The following NCKAP1L variants were observed in gnomAD, a reference collection of about 807,000 sequenced individuals.
The protein encoded by NCKAP1L is nck-associated protein 1-like.
Under a neutral mutation model 139.2 loss-of-function variants are expected in NCKAP1L, and 53 were observed. The observed-to-expected ratio is 0.38, with a 90% CI of 0.31 to 0.48. The LOEUF is 0.48. Ranked by LOEUF, NCKAP1L falls within the 20% of genes least tolerant of loss-of-function variation. NCKAP1L has a pLI of 0.98. For synonymous variants in NCKAP1L, 468 were observed against 499.7 expected, an observed-to-expected ratio of 0.94 and a Z score of 0.85; for missense variants, 1,151 against 1,381.9, an observed-to-expected ratio of 0.83 and a Z score of 2.65.
Position 54,544,547 on chromosome 12 carries a change from A to C in NCKAP1L, c.*1862A>C, listed in dbSNP as rs1364408115. ...AGCAAAACTGTAGTACACTGCCACA[A>C]CCAGGATAACTGACATTGATATAAT... On this transcript the variant is annotated 3_prime_UTR_variant, in exon 31 of 31. Coordinates refer to ENST00000293373, the MANE Select transcript of NCKAP1L (RefSeq NM_005337.5). The C allele has an allele frequency of 1.3e-5, 2 of 152,200 alleles. No individual in the cohort carries two copies. The allele number at this position is 152,200 out of a possible 1,614,324, so 9.4% of individuals were successfully genotyped here.
At chr12:54,510,644 C>T (rs926713161) in intron 7 of NCKAP1L, among the ~76,000 whole-genome samples, 4 of 151,628 alleles carry the variant, frequency 2.6e-5, no homozygotes, top group East Asian at 1.9e-4. Flanking sequence ...CAGGTAGCTG[C>T]GACTACAGGC....
At chr12:54,509,805 T>C (rs1156811734) in intron 6 of NCKAP1L, 43 bp from the exon 7 acceptor site, 1 of 1,614,188 alleles carries the variant, frequency 6.2e-7, no homozygotes, top group Admixed American at 1.7e-5. Context: ...AAGTATATTG[T>C]CCTCATGATT....
At chr12:54,514,762 A>G (rs189464640) in intron 9 of NCKAP1L, among the ~76,000 whole-genome samples, 1 of 152,348 alleles carries the variant, frequency 6.6e-6, no homozygotes, top group East Asian at 1.9e-4. Context: ...AAGAATACTG[A>G]TTTCTCACAC....
At chr12:54,539,539 A>C (rs1957141166) in intron 30 of NCKAP1L, among the ~76,000 whole-genome samples, 1 of 152,168 alleles carries the variant, frequency 6.6e-6, no homozygotes, top group South Asian at 2.1e-4. Context: ...CTCTGGCAGA[A>C]AGTTTTGGGA....
At position 54,531,489 on chromosome 12, in the gene NCKAP1L, A is replaced by G. The variant is rs372042504; in HGVS notation, c.2605-2A>G. ...TAATGTCTCTGTGTTCCTGGACTAC[A>G]GAAGCTGGTGGTGGAAAACATGGAC... is the stretch of plus-strand genomic sequence containing the variant. On this transcript the variant is annotated splice_acceptor_variant, in intron 23 of 30. Transcript: ENST00000293373. LOFTEE classifies it high-confidence loss of function. 2 of 1,614,184 alleles carry G rather than the reference A, an allele frequency of 1.2e-6. No homozygotes were observed. The highest frequency in any genetic ancestry group is 1.7e-6 in the Non-Finnish European group (2 of 1,179,998).
In NCKAP1L at chr12:54,547,344, C is replaced by G. The variant is rs1257399528; in HGVS notation, c.*4659C>G. On this transcript the variant is annotated 3_prime_UTR_variant, in exon 31 of 31. Transcript: ENST00000293373. ...GTTTTATCACTTACTCTCTGTGAGACCCTATAATTTTTCTGGGTTAGTTTA... is the reference window on the plus strand; with the variant it reads ...GTTTTATCACTTACTCTCTGTGAGAGCCTATAATTTTTCTGGGTTAGTTTA... 6.6e-6 allele frequency: 1 copy of G among 152,060 alleles called. No homozygotes were observed. The highest frequency in any genetic ancestry group is 6.5e-5 in the Admixed American group (1 of 15,270). The allele number at this position is 152,060 out of a possible 1,614,324, so 9.4% of individuals were successfully genotyped here.
intron 30 of NCKAP1L, 42 bp from the exon 31 acceptor site, chr12:54,542,533 G>A: frequency 7.0e-7 from 1 of 1,432,316 alleles, no homozygotes; most frequent in Non-Finnish European, 9.9e-7. Flanking sequence ...ACAGACAAAT[G>A]CCCTACCTGA....
intron 3 of NCKAP1L, 50 bp downstream of exon 3, chr12:54,500,675 A>G (rs552547450): frequency 4.3e-6 from 5 of 1,173,296 alleles, no homozygotes; most frequent in East Asian, 2.3e-5. Context: ...TTCAGAGGCT[A>G]TTCTTTCTTT....
chr12:54,527,676 G>A (rs1274960247), intron 21 of NCKAP1L, among the ~76,000 whole-genome samples: 2 of 152,230 alleles, frequency 1.3e-5, no homozygotes. Context: ...CCCACTGACA[G>A]TTAGCTTGTG....
At chr12:54,510,102 A>T (rs1244779825) in intron 7 of NCKAP1L, 117 bp downstream of exon 7, 2 of 1,343,968 alleles carry the variant, frequency 1.5e-6, no homozygotes, top group African/African-American at 2.9e-5. Context: ...GTCTTCTTCT[A>T]GGGTATGTCT....
Position 54,545,655 on chromosome 12 carries a change from T to A in NCKAP1L, c.*2970T>A, listed in dbSNP as rs1371994034. 2 of 152,246 alleles carry A rather than the reference T, an allele frequency of 1.3e-5. No homozygotes were observed. Among genetic ancestry groups the A allele is most frequent in the African/African-American group, 4.8e-5 (2 of 41,470 alleles). The allele number at this position is 152,246 out of a possible 1,614,324, so 9.4% of individuals were successfully genotyped here. A position where few individuals can be genotyped will look rare whatever the true frequency, so the allele number is the denominator to read the frequency against. ...TAAGTTGTGTCCCAGGTTGTAAGTT[T>A]GCTTTACTTAGGCCCAAAGGAACTA... On this transcript the variant is annotated 3_prime_UTR_variant, in exon 31 of 31. Transcript: ENST00000293373.
intron 18 of NCKAP1L, among the ~76,000 whole-genome samples, chr12:54,522,402 A>G (rs1565678830): frequency 6.6e-6 from 1 of 152,256 alleles, no homozygotes. Context: ...TGACTAAAAC[A>G]TGATGCGAAT....
At chr12:54,510,404 G>T (rs1956877803) in intron 7 of NCKAP1L, 1 of 404,052 alleles carries the variant, frequency 2.5e-6, no homozygotes, top group Non-Finnish European at 4.9e-6. Flanking sequence ...GCTTACTGCA[G>T]CCTCCACCTC....
chr12:54,529,524 G>A (rs983634852), intron 22 of NCKAP1L, among the ~76,000 whole-genome samples: 1 of 152,078 alleles, frequency 6.6e-6, no homozygotes, highest in African/African-American at 2.4e-5. Context: ...TTCTTCTTTG[G>A]GGGGTGCTAA....
At chr12:54,534,434 G>A (rs896039485) in intron 26 of NCKAP1L, among the ~76,000 whole-genome samples, 1 of 152,216 alleles carries the variant, frequency 6.6e-6, no homozygotes, top group African/African-American at 2.4e-5. Flanking sequence ...AAGGAGATGA[G>A]TCTTGCATTC....
chr12:54,507,829 T>C (rs764103152), intron 3 of NCKAP1L, 24 bp from the exon 4 acceptor site: 1 of 1,609,602 alleles, frequency 6.2e-7, no homozygotes, highest in Non-Finnish European at 8.5e-7. Flanking sequence ...TTTTATTAAT[T>C]CTTGTCTTCA....
intron 22 of NCKAP1L, among the ~76,000 whole-genome samples, chr12:54,529,669 T>C (rs1273116841): frequency 6.6e-6 from 1 of 152,154 alleles, no homozygotes; most frequent in Non-Finnish European, 1.5e-5. Flanking sequence ...ACCCACAAAC[T>C]GTAGGCAGCC....
In NCKAP1L at chr12:54,547,503, C is replaced by CGTGTGTGTGTGTGTGTGTGT. The variant is rs10691039; in HGVS notation, c.*4830_*4849dup. On this transcript the variant is annotated 3_prime_UTR_variant, in exon 31 of 31. Transcript: ENST00000293373. ...TCACGAATAACTTTGTGTGTGTGTGCGTGTGTGTGTGTGTGTGTGTGTGTG... is the reference window on the plus strand; with the variant it reads ...TCACGAATAACTTTGTGTGTGTGTGCGTGTGTGTGTGTGTGTGTGTGTGTGTGTGTGTGTGTGTGTGTGTG... 2.0e-5 allele frequency: 3 copies of CGTGTGTGTGTGTGTGTGTGT among 146,698 alleles called. No homozygotes were observed. The highest frequency in any genetic ancestry group is 2.2e-4 in the South Asian group (1 of 4,558). The allele number at this position is 146,698 out of a possible 1,614,324, so 9.1% of individuals were successfully genotyped here.
chr12:54,506,796 AATATATATATATAT>A (rs1171488876), intron 3 of NCKAP1L, among the ~76,000 whole-genome samples: 2 of 50,606 alleles, frequency 4.0e-5, no homozygotes, highest in African/African-American at 2.2e-4. Context: ...AAAAAAAAAA[AATATATATATATAT>A]ATATATATAT....
Sources: gnomAD v4.1 joint callset for allele counts (sites outside exome capture counted in the v4.1 genomes callset) on GRCh38, gnomAD v4.1.1 for gene constraint, MANE v1.5 for transcripts, NCBI Gene and HGNC (gene_info 2026-07-23, HGNC 2026-07-21) for gene names.